The following BCAR3 variants were observed in gnomAD, a reference collection of about 807,000 sequenced individuals.
BCAR3 encodes breast cancer anti-estrogen resistance protein 3.
BCAR3 carries 37 observed loss-of-function variants against 80.1 expected under a neutral mutation model. That is an observed-to-expected ratio of 0.46 (90% CI 0.36 to 0.61). The LOEUF (loss-of-function observed/expected upper bound fraction) is 0.61, where lower values mean the gene tolerates loss of function less well. Ranked by LOEUF, BCAR3 falls within the 20% of genes least tolerant of loss-of-function variation. The probability of loss-of-function intolerance (pLI) is 0.00; values close to 1 mark genes in which losing one functional copy is unlikely to be tolerated. For synonymous variants in BCAR3, 389 were observed against 418.9 expected, an observed-to-expected ratio of 0.93 and a Z score of 0.87; for missense variants, 978 against 1,068.2, an observed-to-expected ratio of 0.92 and a Z score of 1.18.
intron 2 of BCAR3, among the ~76,000 whole-genome samples, chr1:93,654,608 C>T (rs1291293119): frequency 6.6e-6 from 1 of 152,202 alleles, no homozygotes; most frequent in African/African-American, 2.4e-5. Flanking sequence ...TTTTGTTACA[C>T]AGCAAAGAAA....
chr1:93,747,715 C>A (rs1651407352), intron 2 of BCAR3, among the ~76,000 whole-genome samples: 1 of 151,584 alleles, frequency 6.6e-6, no homozygotes. Flanking sequence ...TTACTTTGCT[C>A]TTTAGAATCT....
At chr1:93,585,231 G>A (rs930210564) in intron 5 of BCAR3, 79 of 984,810 alleles carry the variant, frequency 8.0e-5, no homozygotes, top group Non-Finnish European at 9.2e-5. Context: ...CAGGCCCGAC[G>A]TCAGGGCAGG....
rs553616972 is a variant in BCAR3 at position 93,580,574 on chromosome 1, C to T, written c.1686+1727G>A. On this transcript the variant is annotated intron_variant, in intron 7 of 11. Transcript: ENST00000260502. ...GTAGACTTTTTTCCTTGCCATTATT[C>T]CCTAAATAATGCAGTATAATAGCTA... is the stretch of plus-strand genomic sequence containing the variant. Among the ~76,000 whole-genome samples the T allele has an allele frequency of 4.0e-5, 6 of 150,652 alleles. No homozygotes were observed. In the South Asian group the frequency reaches 1.1e-3, roughly 26 times the overall value.
intron 2 of BCAR3, among the ~76,000 whole-genome samples, chr1:93,809,297 C>T (rs1053353964): frequency 3.3e-5 from 5 of 150,790 alleles, no homozygotes; most frequent in Non-Finnish European, 4.4e-5. Flanking sequence ...AATAAAGATG[C>T]TAAATTAATA....
chr1:93,566,463 G>T (rs1301928634), intron 11 of BCAR3, among the ~76,000 whole-genome samples: 1 of 152,096 alleles, frequency 6.6e-6, no homozygotes, highest in African/African-American at 2.4e-5. Flanking sequence ...GGTGCCGCGC[G>T]CATGCCACAT....
intron 3 of BCAR3, among the ~76,000 whole-genome samples, chr1:93,628,341 C>T (rs994451699): frequency 1.3e-5 from 2 of 152,172 alleles, no homozygotes; most frequent in African/African-American, 2.4e-5. Context: ...CACTGGTCTC[C>T]CTGCTTCTGC....
At chr1:93,769,355 A>ATG (rs59798936) in intron 2 of BCAR3, among the ~76,000 whole-genome samples, 13,883 of 119,722 alleles carry the variant, frequency 0.12, 954 homozygotes, top group Admixed American at 0.15. Context: ...GTGGGTAGGA[A>ATG]TGTGTGTGTG....
intron 11 of BCAR3, 22 bp downstream of exon 11, chr1:93,567,257 G>C: frequency 6.2e-7 from 1 of 1,611,616 alleles, no homozygotes; most frequent in Non-Finnish European, 8.5e-7. Flanking sequence ...TTAGAGAACA[G>C]CTTACAAAAC....
chr1:93,674,751 G>A lies in BCAR3; in HGVS notation c.180C>T (p.Pro60=). 6.2e-7 allele frequency: 1 copy of A among 1,613,550 alleles called. No homozygotes were observed. The highest frequency in any genetic ancestry group is 1.7e-5 in the Admixed American group (1 of 59,862). ...TLPRKKKGPP[P]IRSCDDFSHM... is the part of the protein sequence containing the mutation. ...GACTGAAGTCATCACAGGACCTTAT[G>A]GGAGGAGGACCTTTTTTCTTCCGTG... Residue 60 remains proline, a synonymous_variant, in exon 2 of 12, where the codon CCC becomes CCT. Coordinates refer to ENST00000260502, the MANE Select transcript of BCAR3 (RefSeq NM_003567.4).
intron 3 of BCAR3, among the ~76,000 whole-genome samples, chr1:93,630,585 G>A (rs1450005983): frequency 1.3e-5 from 2 of 152,176 alleles, no homozygotes; most frequent in African/African-American, 4.8e-5. Context: ...AGTGAGCTGA[G>A]ATTGCGCCAC....
At chr1:93,672,087 C>T (rs1345343307) in intron 2 of BCAR3, among the ~76,000 whole-genome samples, 1 of 152,116 alleles carries the variant, frequency 6.6e-6, no homozygotes, top group African/African-American at 2.4e-5. Flanking sequence ...TAATATAGCT[C>T]TCAATCATAA....
chr1:93,782,739 C>A (rs1446381015), intron 2 of BCAR3, among the ~76,000 whole-genome samples: 1 of 152,162 alleles, frequency 6.6e-6, no homozygotes, highest in Non-Finnish European at 1.5e-5. Flanking sequence ...CAATGATAAC[C>A]TCAGGGCAGG....
chr1:93,647,605 C>A (rs546413117), intron 2 of BCAR3, among the ~76,000 whole-genome samples: 78 of 152,092 alleles, frequency 5.1e-4, no homozygotes, highest in African/African-American at 1.8e-3. Flanking sequence ...AACACTTCTT[C>A]TAAATAGAAG....
In BCAR3 at chr1:93,751,982, A is replaced by G. The variant is rs536170683; in HGVS notation, c.-62-45840T>C. Reference sequence around the variant, plus strand: ...AATGTCTTTAGGAACACAGCTGAGAATGCATCTCTTTGCTGTGCACTTGAA... The same window carrying G: ...AATGTCTTTAGGAACACAGCTGAGAGTGCATCTCTTTGCTGTGCACTTGAA... On this transcript the variant is annotated intron_variant, in intron 2 of 13. Coordinates refer to the BCAR3 transcript ENST00000370244. 2.0e-5 allele frequency among the ~76,000 whole-genome samples: 3 copies of G among 152,330 alleles called. No homozygotes were observed. The East Asian group carries it at 5.8e-4, about 29-fold the overall frequency.
intron 2 of BCAR3, among the ~76,000 whole-genome samples, chr1:93,837,237 TA>T (rs1259349844): frequency 1.3e-5 from 2 of 151,978 alleles, no homozygotes; most frequent in Non-Finnish European, 2.9e-5. Context: ...AAAATAAAAA[TA>T]AAAAAATAAA....
intron 3 of BCAR3, among the ~76,000 whole-genome samples, chr1:93,699,135 G>A (rs1480165195): frequency 6.6e-6 from 1 of 152,202 alleles, no homozygotes; most frequent in Non-Finnish European, 1.5e-5. Context: ...CCATTTTACA[G>A]ATGAAGGAAC....
chr1:93,603,096 C>T (rs1363682554), intron 3 of BCAR3, among the ~76,000 whole-genome samples: 1 of 152,202 alleles, frequency 6.6e-6, no homozygotes, highest in Non-Finnish European at 1.5e-5. Flanking sequence ...GTTTCTTATG[C>T]TAATAACTGT....
At chr1:93,741,969 C>T (rs935497923) in intron 2 of BCAR3, among the ~76,000 whole-genome samples, 1 of 152,190 alleles carries the variant, frequency 6.6e-6, no homozygotes, top group Non-Finnish European at 1.5e-5. Flanking sequence ...GTCCATCTAA[C>T]CCAGATGGTA....
At chr1:93,691,816 C>G (rs540265144) in intron 3 of BCAR3, among the ~76,000 whole-genome samples, 2 of 152,160 alleles carry the variant, frequency 1.3e-5, no homozygotes, top group Non-Finnish European at 2.9e-5. Context: ...CAAGAGTTCT[C>G]AGCCTTTTTT....
Sources: gnomAD v4.1 joint callset for allele counts (sites outside exome capture counted in the v4.1 genomes callset) on GRCh38, gnomAD v4.1.1 for gene constraint, MANE v1.5 for transcripts, NCBI Gene and HGNC (gene_info 2026-07-23, HGNC 2026-07-21) for gene names.